Variants in ZDHHC11B observed in about 807,000 individuals in gnomAD.
The protein encoded by ZDHHC11B is probable palmitoyltransferase ZDHHC11B.
A neutral mutation model predicts 42.3 loss-of-function variants in ZDHHC11B; 17 were observed. The ratio of observed to expected loss-of-function variants is 0.40; its 90% CI spans 0.27 to 0.60. The LOEUF is 0.60. Ranked by LOEUF, ZDHHC11B falls within the 20% of genes least tolerant of loss-of-function variation. The pLI is 0.41. For missense variants in ZDHHC11B, 262 were observed against 463.2 expected, an observed-to-expected ratio of 0.57 and a Z score of 3.99; for synonymous variants, 123 against 193.5, an observed-to-expected ratio of 0.64 and a Z score of 3.02.
At chr5:713,074 T>A (rs1163367034) in intron 13 of ZDHHC11B, among the ~76,000 whole-genome samples, 2 of 151,022 alleles carry the variant, frequency 1.3e-5, no homozygotes, top group East Asian at 3.9e-4. Flanking sequence ...CTCAGCCAAA[T>A]CTCCTTAAAT....
intron 9 of ZDHHC11B, 138 bp downstream of exon 9, chr5:745,045 A>G: frequency 2.2e-6 from 2 of 919,540 alleles, no homozygotes; most frequent in Non-Finnish European, 3.3e-6. Context: ...AGAGCCTCAC[A>G]CACAGACACA....
At position 784,728 on chromosome 5, in the gene ZDHHC11B, G is replaced by T. The variant is rs1434632466; in HGVS notation, c.-290C>A. On this transcript the variant is annotated 5_prime_UTR_variant, in exon 1 of 14. Coordinates refer to ENST00000508859, the MANE Select transcript of ZDHHC11B (RefSeq NM_001351303.2). ...GCGACCCGGCCGCGCGCGACCAAGT[G>T]CTCAGCGCAGCGCTCCCCCTGCCGC... Among the ~76,000 whole-genome samples the T allele has an allele frequency of 6.7e-6, 1 of 149,418 alleles. No individual in the cohort carries two copies. Among genetic ancestry groups the T allele is most frequent in the Non-Finnish European group, 1.5e-5 (1 of 67,014 alleles).
intron 1 of ZDHHC11B, among the ~76,000 whole-genome samples, chr5:770,497 C>T (rs1304855163): frequency 2.3e-4 from 35 of 151,326 alleles, no homozygotes; most frequent in African/African-American, 7.2e-4. Context: ...GTCCCCTCCC[C>T]GCCGCAGTTC....
In ZDHHC11B at chr5:742,579, C is replaced by T. The variant is rs758268487; in HGVS notation, c.901-951G>A. Among the ~76,000 whole-genome samples, 113 of 148,106 alleles carry T rather than the reference C, an allele frequency of 7.6e-4. 4 individuals are homozygous for T. Among genetic ancestry groups the T allele is most frequent in the African/African-American group, 1.6e-3 (65 of 40,268 alleles). On this transcript the variant is annotated intron_variant, in intron 9 of 13. Transcript: ENST00000508859. ...CCCCGCAGTGTGTGCTCACTTCAAG[C>T]GTCTGTGTAAGCAGCTTTTAGCAGT...
In ZDHHC11B at chr5:753,848, C is replaced by T. The variant is rs1191809465; in HGVS notation, c.503+1150G>A. Among the ~76,000 whole-genome samples the T allele has an allele frequency of 2.6e-4, 39 of 147,176 alleles. 2 individuals are homozygous for T. Among genetic ancestry groups the T allele is most frequent in the Admixed American group, 4.9e-4 (7 of 14,318 alleles). ...CGGTGCGTCCTGTGACACCAGGCAA[C>T]GTTGGTCCCCACTCCCACGCACACC... On this transcript the variant is annotated intron_variant, in intron 6 of 13. Coordinates refer to ENST00000508859, the MANE Select transcript of ZDHHC11B (RefSeq NM_001351303.2).
At chr5:712,745 T>G (rs1741463052) in intron 13 of ZDHHC11B, among the ~76,000 whole-genome samples, 1 of 151,450 alleles carries the variant, frequency 6.6e-6, no homozygotes, top group Non-Finnish European at 1.5e-5. Flanking sequence ...CCGTCTCTAC[T>G]AAAAATACAA....
chr5:766,277 T>C (rs1735347758), intron 4 of ZDHHC11B, among the ~76,000 whole-genome samples: 2 of 146,504 alleles, frequency 1.4e-5, no homozygotes, highest in African/African-American at 2.5e-5. Flanking sequence ...TTCCCCCTCT[T>C]TGGGAGACGG....
chr5:759,230 C>T (rs542739367), intron 4 of ZDHHC11B, among the ~76,000 whole-genome samples: 7 of 151,976 alleles, frequency 4.6e-5, no homozygotes, highest in East Asian at 3.9e-4. Context: ...AAATAAACGG[C>T]GCCGCAGCGC....
chr5:737,508 C>T (rs1179697648), intron 10 of ZDHHC11B, among the ~76,000 whole-genome samples: 2 of 149,134 alleles, frequency 1.3e-5, no homozygotes, highest in African/African-American at 5.0e-5. Flanking sequence ...AAAGAGAAAA[C>T]TACAGACCAA....
chr5:740,100 G>A (rs1364449186), intron 10 of ZDHHC11B, among the ~76,000 whole-genome samples: 1 of 136,146 alleles, frequency 7.3e-6, no homozygotes, highest in Non-Finnish European at 1.7e-5. Context: ...ACATAAGAAT[G>A]ATGTAATGGG....
intron 1 of ZDHHC11B, among the ~76,000 whole-genome samples, chr5:777,867 G>T (rs1308387770): frequency 1.3e-5 from 2 of 151,776 alleles, no homozygotes; most frequent in Non-Finnish European, 2.9e-5. Flanking sequence ...CCCGGCGGGG[G>T]CGGCGCCCTT....
At chr5:735,883 A>G (rs1743457116) in intron 10 of ZDHHC11B, among the ~76,000 whole-genome samples, 1 of 148,446 alleles carries the variant, frequency 6.7e-6, no homozygotes, top group African/African-American at 2.5e-5. Flanking sequence ...TAAATCTTAC[A>G]GGACTGAGAA....
At chr5:772,732 T>C (rs1191790471) in intron 1 of ZDHHC11B, among the ~76,000 whole-genome samples, 6 of 151,792 alleles carry the variant, frequency 4.0e-5, no homozygotes, top group African/African-American at 1.2e-4. Context: ...AGCCCCAGCC[T>C]TTCTGCACCA....
intron 8 of ZDHHC11B, among the ~76,000 whole-genome samples, chr5:745,843 C>A (rs1435564210): frequency 6.7e-6 from 1 of 149,726 alleles, no homozygotes. Context: ...TGCTGGCTAG[C>A]GGGTCCTGGG....
intron 10 of ZDHHC11B, among the ~76,000 whole-genome samples, chr5:736,881 A>G (rs1457039000): frequency 1.5e-5 from 2 of 131,270 alleles, no homozygotes; most frequent in African/African-American, 5.6e-5. Context: ...GCACAAACAG[A>G]CAATCTAAAG....
chr5:713,672 C>T (rs1387227632), intron 13 of ZDHHC11B, among the ~76,000 whole-genome samples: 1 of 152,004 alleles, frequency 6.6e-6, no homozygotes, highest in African/African-American at 2.4e-5. Context: ...CTTTTGGTCA[C>T]CCACCTCACA....
At chr5:780,614 A>G (rs1374855315) in intron 1 of ZDHHC11B, among the ~76,000 whole-genome samples, 1 of 136,458 alleles carries the variant, frequency 7.3e-6, no homozygotes, top group Non-Finnish European at 1.5e-5. Context: ...CGGAACATGA[A>G]GAGAGGCGGC....
intron 12 of ZDHHC11B, among the ~76,000 whole-genome samples, chr5:719,195 G>A (rs1382498474): frequency 6.6e-6 from 1 of 151,734 alleles, no homozygotes; most frequent in Non-Finnish European, 1.5e-5. Flanking sequence ...CCCAGAGGAG[G>A]AGAAGCACTT....
At chr5:770,819 C>A (rs1735963227) in intron 1 of ZDHHC11B, among the ~76,000 whole-genome samples, 1 of 151,900 alleles carries the variant, frequency 6.6e-6, no homozygotes, top group Non-Finnish European at 1.5e-5. Context: ...TGCAGGGATG[C>A]CCTCTGGACT....
Sources: gnomAD v4.1 joint callset for allele counts (sites outside exome capture counted in the v4.1 genomes callset) on GRCh38, gnomAD v4.1.1 for gene constraint, MANE v1.5 for transcripts, NCBI Gene and HGNC (gene_info 2026-07-23, HGNC 2026-07-21) for gene names.